Variants in KLHL29 observed in about 807,000 individuals in gnomAD.
The protein encoded by KLHL29 is kelch-like protein 29.
KLHL29 carries 21 observed loss-of-function variants against 80.4 expected under a neutral mutation model. That is an observed-to-expected ratio of 0.26 (90% CI 0.19 to 0.38). The LOEUF (loss-of-function observed/expected upper bound fraction) is 0.38, where lower values mean the gene tolerates loss of function less well. Among genes scored for constraint, KLHL29 ranks in the 10% least tolerant of loss-of-function variants. KLHL29 has a pLI of 1.00. For synonymous variants in KLHL29, 511 were observed against 526.8 expected (o/e 0.97, Z 0.41); for missense variants, 867 against 1,223.9 (o/e 0.71, Z 4.35).
intron 1 of KLHL29, among the ~76,000 whole-genome samples, chr2:23,473,650 G>A (rs1664556899): frequency 1.3e-5 from 2 of 152,130 alleles, no homozygotes; most frequent in Non-Finnish European, 2.9e-5. Context: ...ATTCGGCACA[G>A]CCTGGAAAGG....
chr2:23,686,738 G>A (rs74939406), intron 6 of KLHL29, among the ~76,000 whole-genome samples: 1,560 of 152,250 alleles, frequency 0.01, 39 homozygotes, highest in African/African-American at 0.036. Context: ...GCCACCTGTA[G>A]GCAGCCAGGT....
intron 3 of KLHL29, among the ~76,000 whole-genome samples, chr2:23,613,539 G>A (rs192132937): frequency 1.3e-3 from 194 of 152,210 alleles, no homozygotes; most frequent in African/African-American, 4.5e-3. Flanking sequence ...GCTGAGGTGG[G>A]CGGATCACAA....
At chr2:23,566,017 G>T (rs1187711216) in intron 3 of KLHL29, among the ~76,000 whole-genome samples, 1 of 152,248 alleles carries the variant, frequency 6.6e-6, no homozygotes, top group Non-Finnish European at 1.5e-5. Flanking sequence ...CTTCTGCCAG[G>T]CTCTTTGGGT....
chr2:23,641,938 C>T (rs1336016020), intron 4 of KLHL29, among the ~76,000 whole-genome samples: 4 of 152,108 alleles, frequency 2.6e-5, no homozygotes, highest in African/African-American at 9.7e-5. Flanking sequence ...GAGCTGAGAT[C>T]GCGCCACTAC....
intron 2 of KLHL29, among the ~76,000 whole-genome samples, chr2:23,478,134 C>G (rs1364862850): frequency 6.6e-6 from 1 of 152,162 alleles, no homozygotes; most frequent in East Asian, 1.9e-4. Context: ...AGCACTCGGC[C>G]AGTTCCTGGA....
chr2:23,507,903 C>G (rs1665650134), intron 2 of KLHL29, among the ~76,000 whole-genome samples: 1 of 152,196 alleles, frequency 6.6e-6, no homozygotes, highest in Non-Finnish European at 1.5e-5. Flanking sequence ...TATCTTTGGC[C>G]ACTTACATGT....
At chr2:23,423,317 C>T (rs72846880) in intron 1 of KLHL29, among the ~76,000 whole-genome samples, 3,626 of 152,240 alleles carry the variant, frequency 0.024, 142 homozygotes, top group African/African-American at 0.082. Flanking sequence ...ACTGACCTCC[C>T]GGGCCTGACC....
At position 23,684,803 on chromosome 2, in the gene KLHL29, C is replaced by G. The variant is rs747114637; in HGVS notation, c.1079+266C>G. Among the ~76,000 whole-genome samples the G allele has an allele frequency of 4.6e-5, 7 of 152,132 alleles. No homozygotes were observed. Among genetic ancestry groups the G allele is most frequent in the African/African-American group, 1.7e-4 (7 of 41,456 alleles). On this transcript the variant is annotated intron_variant, in intron 6 of 13. Transcript: ENST00000486442. This position sits in a 1 kb window ranked among gnomAD's most constrained non-coding sequence, Gnocchi z 4.4. ...ACCAGGGGCCTCTGCCAGCAGTAGACAACACCGTGCCCCACCCCTGAGATC... is the reference window on the plus strand; with the variant it reads ...ACCAGGGGCCTCTGCCAGCAGTAGAGAACACCGTGCCCCACCCCTGAGATC...
intron 2 of KLHL29, chr2:23,524,139 C>T (rs749515699): frequency 4.6e-6 from 2 of 436,198 alleles, no homozygotes; most frequent in Non-Finnish European, 9.7e-6. Flanking sequence ...TCCCATTTCT[C>T]GGAAAAGGAA....
At chr2:23,677,484 G>A (rs570055136) in intron 5 of KLHL29, among the ~76,000 whole-genome samples, 1 of 152,330 alleles carries the variant, frequency 6.6e-6, no homozygotes, top group Admixed American at 6.5e-5. Flanking sequence ...TAGGGCCTCA[G>A]GTGTCACACG....
intron 5 of KLHL29, among the ~76,000 whole-genome samples, chr2:23,676,752 C>T (rs1340442042): frequency 1.3e-5 from 2 of 152,194 alleles, no homozygotes; most frequent in African/African-American, 2.4e-5. Flanking sequence ...GATGAACTGC[C>T]TGTGAACTTA....
intron 1 of KLHL29, among the ~76,000 whole-genome samples, chr2:23,433,695 C>G (rs560901728): frequency 6.6e-6 from 1 of 152,162 alleles, no homozygotes; most frequent in African/African-American, 2.4e-5. Flanking sequence ...AGGAGGACCG[C>G]TTGAAGCCAG....
At chr2:23,640,991 G>A (rs1165720237) in intron 4 of KLHL29, among the ~76,000 whole-genome samples, 1 of 152,174 alleles carries the variant, frequency 6.6e-6, no homozygotes, top group Non-Finnish European at 1.5e-5. Flanking sequence ...TGTGGGGCTT[G>A]TGGTGCTGAG....
intron 3 of KLHL29, among the ~76,000 whole-genome samples, chr2:23,625,159 T>A (rs1392851435): frequency 3.9e-5 from 6 of 152,220 alleles, no homozygotes; most frequent in Admixed American, 2.0e-4. Flanking sequence ...CAGATCCTGC[T>A]CCTGCCCTTG....
intron 2 of KLHL29, among the ~76,000 whole-genome samples, chr2:23,538,106 G>A (rs1368995788): frequency 6.6e-6 from 1 of 152,186 alleles, no homozygotes; most frequent in East Asian, 1.9e-4. Flanking sequence ...ACCAGAAGGA[G>A]CAAGGACTTA....
At chr2:23,591,384 G>C (rs1002948270) in intron 3 of KLHL29, among the ~76,000 whole-genome samples, 1 of 152,098 alleles carries the variant, frequency 6.6e-6, no homozygotes, top group African/African-American at 2.4e-5. Flanking sequence ...TGAGCCACAT[G>C]ACAGCTGCTT....
chr2:23,646,533 G>A (rs1463765869), intron 5 of KLHL29, among the ~76,000 whole-genome samples: 3 of 152,246 alleles, frequency 2.0e-5, no homozygotes, highest in African/African-American at 7.2e-5. Flanking sequence ...CCTGAGCAGG[G>A]AAAGGTATCT....
In KLHL29 at chr2:23,479,276, C is replaced by T. The variant is rs1343191614; in HGVS notation, c.-46+3609C>T. Among the ~76,000 whole-genome samples, 35 of 151,616 alleles carry T rather than the reference C, an allele frequency of 2.3e-4. 3 individuals are homozygous for T. Among genetic ancestry groups the T allele is most frequent in the Admixed American group, 2.3e-3 (35 of 15,226 alleles). Reference sequence around the variant, plus strand: ...TGGGGCCCAGATCCCTCAACAGAACCTCAGCCGAACCCTCAGCCCTACACA... The same window carrying T: ...TGGGGCCCAGATCCCTCAACAGAACTTCAGCCGAACCCTCAGCCCTACACA... On this transcript the variant is annotated intron_variant, in intron 2 of 13. Transcript: ENST00000486442.
At chr2:23,639,624 T>G (rs1669710580) in intron 4 of KLHL29, among the ~76,000 whole-genome samples, 1 of 152,110 alleles carries the variant, frequency 6.6e-6, no homozygotes, top group African/African-American at 2.4e-5. Flanking sequence ...CAGTAAGGTT[T>G]TTACTTGCTG....
Sources: gnomAD v4.1 joint callset for allele counts (sites outside exome capture counted in the v4.1 genomes callset) on GRCh38, gnomAD v4.1.1 for gene constraint, Gnocchi (gnomAD v3.1) non-coding constraint, MANE v1.5 for transcripts, NCBI Gene and HGNC (gene_info 2026-07-23, HGNC 2026-07-21) for gene names.